The following DAD1 variants were observed in gnomAD, a reference collection of about 807,000 sequenced individuals.
DAD1 encodes defender against cell death 1, also known as dolichyl-diphosphooligosaccharide--protein glycosyltransferase subunit DAD1.
In DAD1, 4 loss-of-function variants were observed where a neutral mutation model predicts 9.0. The ratio of observed to expected loss-of-function variants is 0.44; its 90% CI spans 0.22 to 1.01. The LOEUF is 1.01. Among genes scored for constraint, DAD1 ranks in the 50% least tolerant of loss-of-function variants. The pLI, the probability that DAD1 is intolerant of heterozygous loss-of-function variation, is 0.24. For missense variants in DAD1, 119 were observed against 137.3 expected, an observed-to-expected ratio of 0.87 and a Z score of 0.67; for synonymous variants, 60 against 62.5, an observed-to-expected ratio of 0.96 and a Z score of 0.19.
intron 1 of DAD1, among the ~76,000 whole-genome samples, chr14:22,583,841 G>A (rs925188447): frequency 7.2e-5 from 11 of 152,018 alleles, no homozygotes; most frequent in African/African-American, 2.7e-4. Flanking sequence ...GATCTGTTAT[G>A]ATTCAGTGGT....
At chr14:22,577,458 G>A (rs2037085176) in intron 1 of DAD1, among the ~76,000 whole-genome samples, 1 of 152,098 alleles carries the variant, frequency 6.6e-6, no homozygotes, top group Admixed American at 6.5e-5. Flanking sequence ...GTGGGGGATG[G>A]AACCAGGCTC....
rs1415557407 is a variant in DAD1, at chr14:22,565,106, G to C, written c.*76C>G. ...TGTGTCCAATAAGCTGCCATCTCCA[G>C]AACTCTTATCCAGGAAATTCAAAGA... On this transcript the variant is annotated 3_prime_UTR_variant, in exon 3 of 3. Coordinates refer to ENST00000250498, the MANE Select transcript of DAD1 (RefSeq NM_001344.4). The C allele has an allele frequency of 1.4e-6, 1 of 702,200 alleles. No homozygotes were observed. The highest frequency in any genetic ancestry group is 2.6e-6 in the Non-Finnish European group (1 of 384,778). 43.5% of individuals were successfully genotyped at this position (702,200 alleles called of 1,614,324 possible). A position where few individuals can be genotyped will look rare whatever the true frequency, so the allele number is the denominator to read the frequency against.
At chr14:22,571,882 G>A (rs367812046) in intron 2 of DAD1, among the ~76,000 whole-genome samples, 5 of 151,998 alleles carry the variant, frequency 3.3e-5, no homozygotes, top group East Asian at 1.9e-4. Flanking sequence ...CACCCACCTC[G>A]GCCTCCCAAA....
chr14:22,570,982 C>T (rs1372017544), intron 2 of DAD1, among the ~76,000 whole-genome samples: 4 of 151,492 alleles, frequency 2.6e-5, no homozygotes, highest in Non-Finnish European at 5.9e-5. Flanking sequence ...CCTCATTACC[C>T]TTCAGAACAC....
intron 1 of DAD1, 118 bp from the exon 2 acceptor site, chr14:22,575,351 T>C (rs2037069363): frequency 8.7e-7 from 1 of 1,153,714 alleles, no homozygotes; most frequent in Non-Finnish European, 1.2e-6. Context: ...TGAATGCATA[T>C]ATACATCAAA....
chr14:22,582,248 C>T (rs905875887), intron 1 of DAD1, among the ~76,000 whole-genome samples: 5 of 151,302 alleles, frequency 3.3e-5, no homozygotes, highest in African/African-American at 1.2e-4. Flanking sequence ...GGCGCAGTGG[C>T]TCACACCTGT....
rs5742735 is a variant in DAD1, at chr14:22,588,057, A to G, written c.211+890T>C. On this transcript the variant is annotated intron_variant, in intron 1 of 2. Coordinates refer to ENST00000250498, the MANE Select transcript of DAD1 (RefSeq NM_001344.4). ...GGCCTCCAGACAATTCCAATGCTGT[A>G]TTTTGTCTGTACCCCAACTAGACCA... is the stretch of plus-strand genomic sequence containing the variant. Among the ~76,000 whole-genome samples the G allele has an allele frequency of 6.2e-4, 95 of 152,306 alleles. 1 individual carries two copies. The Middle Eastern group carries it at 0.01, about 16-fold the overall frequency.
intron 1 of DAD1, among the ~76,000 whole-genome samples, chr14:22,587,706 T>C (rs1230420493): frequency 6.6e-6 from 1 of 151,942 alleles, no homozygotes; most frequent in African/African-American, 2.4e-5. Context: ...ATTCTATAGG[T>C]CTGTAACTTT....
At chr14:22,587,740 A>AC (rs1411893685) in intron 1 of DAD1, among the ~76,000 whole-genome samples, 9 of 146,964 alleles carry the variant, frequency 6.1e-5, no homozygotes, top group African/African-American at 2.3e-4. Context: ...CTGTCACCAG[A>AC]CTTTTTTTTT....
At chr14:22,569,729 G>A (rs895841537) in intron 2 of DAD1, among the ~76,000 whole-genome samples, 5 of 152,084 alleles carry the variant, frequency 3.3e-5, no homozygotes, top group African/African-American at 1.2e-4. Context: ...TTTTTCTTTG[G>A]TAGCCTTAAA....
chr14:22,567,593 C>T (rs1483500598), intron 2 of DAD1, among the ~76,000 whole-genome samples: 1 of 152,218 alleles, frequency 6.6e-6, no homozygotes, highest in Non-Finnish European at 1.5e-5. Context: ...TCCAACACCA[C>T]AGCCACTAGA....
At chr14:22,575,363 G>A (rs2037069494) in intron 1 of DAD1, 130 bp from the exon 2 acceptor site, 4 of 983,014 alleles carry the variant, frequency 4.1e-6, no homozygotes, top group Middle Eastern at 3.1e-4. Context: ...TACATCAAAG[G>A]GCATACACAG....
intron 2 of DAD1, among the ~76,000 whole-genome samples, chr14:22,565,927 T>G (rs2036999442): frequency 6.6e-6 from 1 of 152,244 alleles, no homozygotes; most frequent in Non-Finnish European, 1.5e-5. Context: ...ATAAAAATAC[T>G]GCAATCTCCT....
At chr14:22,574,455 T>G (rs2139239913) in intron 2 of DAD1, among the ~76,000 whole-genome samples, 1 of 152,322 alleles carries the variant, frequency 6.6e-6, no homozygotes, top group East Asian at 1.9e-4. Flanking sequence ...AAGATTCTTT[T>G]TGTAAGAGTT....
intron 1 of DAD1, among the ~76,000 whole-genome samples, chr14:22,587,976 T>G (rs951731860): frequency 6.6e-6 from 1 of 152,222 alleles, no homozygotes; most frequent in Admixed American, 6.5e-5. Flanking sequence ...CCTCAAGTGA[T>G]CTGCCTACCT....
intron 2 of DAD1, 116 bp from the exon 3 acceptor site, chr14:22,565,253 A>G (rs1450652030): frequency 5.0e-6 from 3 of 599,208 alleles, no homozygotes; most frequent in Non-Finnish European, 9.0e-6. Flanking sequence ...ACTCAGGACA[A>G]TATTTAAACC....
intron 1 of DAD1, among the ~76,000 whole-genome samples, chr14:22,582,772 G>A (rs368474430): frequency 3.9e-5 from 6 of 152,274 alleles, no homozygotes; most frequent in East Asian, 3.9e-4. Flanking sequence ...TTGGGAGGCC[G>A]AGGTGGGTGA....
At chr14:22,584,357 CAT>C (rs2037138194) in intron 1 of DAD1, among the ~76,000 whole-genome samples, 2 of 152,130 alleles carry the variant, frequency 1.3e-5, no homozygotes, top group South Asian at 4.2e-4. Context: ...CACACACACA[CAT>C]ACAAGGTGAA....
rs1204390583 is a variant in DAD1 at position 22,575,555 on chromosome 14, T to C, written c.212-322A>G. ...GCAACACAATCAAAAACTTTATTTT[T>C]TGGGGAGTCGGGGACAGAGTCTCGC... is the stretch of plus-strand genomic sequence containing the variant. On this transcript the variant is annotated intron_variant, in intron 1 of 2. Coordinates refer to ENST00000250498, the MANE Select transcript of DAD1 (RefSeq NM_001344.4). Among the ~76,000 whole-genome samples the C allele has an allele frequency of 2.6e-5, 4 of 152,340 alleles. No homozygotes were observed. In the East Asian group the frequency reaches 7.7e-4, roughly 29 times the overall value.
Sources: allele counts gnomAD v4.1 joint callset (sites outside exome capture counted in the v4.1 genomes callset), GRCh38; gene constraint gnomAD v4.1.1; transcripts MANE v1.5; gene names NCBI Gene and HGNC (gene_info 2026-07-23, HGNC 2026-07-21).